The following RMDN1 variants were observed in gnomAD, a reference collection of about 807,000 sequenced individuals.
RMDN1 encodes regulator of microtubule dynamics protein 1.
In RMDN1, 48 loss-of-function variants were observed where a neutral mutation model predicts 48.9. The ratio of observed to expected loss-of-function variants is 0.98; its 90% CI spans 0.78 to 1.25. The LOEUF is 1.25. Ranked by LOEUF, RMDN1 falls within the 50% of genes most tolerant of loss-of-function variation. The pLI is 0.00. For synonymous variants in RMDN1, 148 were observed against 132.6 expected (o/e 1.12, Z -0.80); for missense variants, 418 against 373.4 (o/e 1.12, Z -0.98).
rs1818680795 is a variant in RMDN1 at position 86,503,383 on chromosome 8, A to AC, written c.247+3611_247+3612insG. On this transcript the variant is annotated intron_variant, in intron 2 of 9. Transcript: ENST00000406452. ...AAACAAAACAAAACAAAAAAAAAAAAAAAAAACAAAAAAAAATAACAAAAA... is the reference window on the plus strand; with the variant it reads ...AAACAAAACAAAACAAAAAAAAAAAACAAAAAACAAAAAAAAATAACAAAAA... Among the ~76,000 whole-genome samples, 3 of 80,210 alleles carry AC rather than the reference A, an allele frequency of 3.7e-5. No homozygotes were observed. In the South Asian group the frequency reaches 1.1e-3, roughly 29 times the overall value. 52.6% of individuals were successfully genotyped at this position (80,210 alleles called of 152,430 possible).
chr8:86,483,735 C>T (rs1305541045), intron 5 of RMDN1, among the ~76,000 whole-genome samples: 3 of 151,730 alleles, frequency 2.0e-5, no homozygotes, highest in African/African-American at 7.3e-5. Flanking sequence ...ATTTAAATAG[C>T]AAATTCAGCA....
intron 2 of RMDN1, chr8:86,504,403 A>G: frequency 6.4e-7 from 1 of 1,561,022 alleles, no homozygotes; most frequent in Non-Finnish European, 8.8e-7. Flanking sequence ...CATCATTTCC[A>G]TTGTGCTCCA....
chr8:86,507,604 T>C (rs920117166), intron 1 of RMDN1, among the ~76,000 whole-genome samples: 1 of 152,190 alleles, frequency 6.6e-6, no homozygotes, highest in Non-Finnish European at 1.5e-5. Flanking sequence ...CTTCCCAAAG[T>C]GCTGGGATTA....
In RMDN1 at chr8:86,487,355, G is replaced by A. The variant is rs1323401600; in HGVS notation, c.336-712C>T. ...ACAGTGGCTCACGCCTGTAATCCCA[G>A]GACTTTGGGAGGCCAAGGCGGGCAG... On this transcript the variant is annotated intron_variant, in intron 3 of 9. Coordinates refer to ENST00000406452, the MANE Select transcript of RMDN1 (RefSeq NM_016033.3). 2.0e-5 allele frequency among the ~76,000 whole-genome samples: 3 copies of A among 152,288 alleles called. No homozygotes were observed. The East Asian group carries it at 5.8e-4, about 29-fold the overall frequency.
chr8:86,493,116 GT>G (rs1284618624), intron 2 of RMDN1, among the ~76,000 whole-genome samples: 3 of 151,930 alleles, frequency 2.0e-5, no homozygotes, highest in African/African-American at 4.8e-5. Flanking sequence ...ATAAAAAAAA[GT>G]GTTTCTGTAT....
At position 86,477,307 on chromosome 8, in the gene RMDN1, G is replaced by A; in HGVS notation, c.747C>T (p.His249=). 1 of 1,602,232 alleles carries A rather than the reference G, an allele frequency of 6.2e-7. No individual in the cohort carries two copies. Among genetic ancestry groups the A allele is most frequent in the Admixed American group, 1.7e-5 (1 of 58,106 alleles). ...AAAATACCTTACCTTGTTCTGCCCT[G>A]TGAAAGTAGCCTAAGGCCTGTCAAA... The part of the protein sequence containing the change: ...STYEKALGYF[H]RAEQVDPNFY... The change falls in exon 8 of 10, where the codon CAC becomes CAT. Residue 249 remains histidine, a synonymous_variant. Transcript: ENST00000406452.
chr8:86,514,351 A>C (rs62510803), upstream of RMDN1: 55 of 744,388 alleles, frequency 7.4e-5, no homozygotes, highest in African/African-American at 1.0e-3. Context: ...CTCCCTGCGG[A>C]TGGGCTGATC....
At chr8:86,477,361 A>C (rs774641012) in intron 7 of RMDN1, 37 bp from the exon 8 acceptor site, 1 of 1,513,292 alleles carries the variant, frequency 6.6e-7, no homozygotes, top group Admixed American at 2.0e-5. Context: ...ATAATAAAAA[A>C]GATTAAAGAA....
chr8:86,508,216 C>T (rs906365551), intron 1 of RMDN1: 24 of 402,360 alleles, frequency 6.0e-5, no homozygotes, highest in Non-Finnish European at 1.0e-4. Flanking sequence ...CTTTCCCGTC[C>T]TGTTTTACAT....
chr8:86,510,252 A>G (rs1819975824), upstream of RMDN1, among the ~76,000 whole-genome samples: 1 of 152,214 alleles, frequency 6.6e-6, no homozygotes, highest in East Asian at 1.9e-4. Flanking sequence ...GAAACAAGAC[A>G]TTCCCTTACT....
In RMDN1 at chr8:86,473,731, A is replaced by T. The variant is rs1812896682; in HGVS notation, c.*577T>A. On this transcript the variant is annotated 3_prime_UTR_variant, in exon 10 of 10. Transcript: ENST00000406452. ...CAGTGGGCCGAGATTGTGCCACTGCACACCAGCCTGGGAAACAAAGTGAGA... is the reference window on the plus strand; with the variant it reads ...CAGTGGGCCGAGATTGTGCCACTGCTCACCAGCCTGGGAAACAAAGTGAGA... The T allele has an allele frequency of 1.3e-6, 1 of 799,828 alleles. No individual in the cohort carries two copies. The highest frequency in any genetic ancestry group is 1.5e-6 in the Non-Finnish European group (1 of 660,830). The allele number at this position is 799,828 out of a possible 1,614,324, so 49.5% of individuals were successfully genotyped here.
At position 86,508,617 on chromosome 8, in the gene RMDN1, C is replaced by G. The variant is rs141308396; in HGVS notation, c.4G>C (p.Ala2Pro). The G allele has an allele frequency of 1.1e-5, 17 of 1,600,314 alleles. No individual in the cohort carries two copies. The East Asian group carries it at 1.6e-4, about 15-fold the overall frequency. The part of the protein sequence containing the change: M[A>P]LAARLWRLLP... Reference sequence around the variant, plus strand: ...AGGCGCCACAGTCGAGCAGCCAGCGCCATGACCTGCAACTTGCGGGCTGAC... The same window carrying G: ...AGGCGCCACAGTCGAGCAGCCAGCGGCATGACCTGCAACTTGCGGGCTGAC... Residue 2 changes from alanine (A) to proline (P), a missense_variant, in exon 1 of 10, where the codon GCG becomes CCG. Ala to Pro is a conservative substitution (Grantham distance 27). Transcript: ENST00000406452.
At chr8:86,509,683 G>A (rs1362593506), upstream of RMDN1, among the ~76,000 whole-genome samples, 1 of 152,128 alleles carries the variant, frequency 6.6e-6, no homozygotes, top group Non-Finnish European at 1.5e-5. Flanking sequence ...GTAACTCAAA[G>A]AGATGTATTA....
At chr8:86,508,195 C>CGT in intron 1 of RMDN1, 1 of 348,472 alleles carries the variant, frequency 2.9e-6, no homozygotes, top group Non-Finnish European at 5.2e-6. Flanking sequence ...AATTTCACAG[C>CGT]GGTCAAGGTT....
At chr8:86,511,923 G>C (rs754764519), upstream of RMDN1, among the ~76,000 whole-genome samples, 11 of 151,900 alleles carry the variant, frequency 7.2e-5, no homozygotes, top group Non-Finnish European at 1.5e-4. Flanking sequence ...AAATACATAG[G>C]AGAAAGAATA....
Position 86,480,255 on chromosome 8 carries a change from ATATT to A in RMDN1, c.641+18_641+21del, listed in dbSNP as rs1814133274. ...AAATATCACACTAAATACTACTGAA[ATATT>A]TAAAGAAATTTTCTTACCAAATACC... On this transcript the variant is annotated intron_variant, in intron 6 of 9. Coordinates refer to ENST00000406452, the MANE Select transcript of RMDN1 (RefSeq NM_016033.3). 17 of 1,338,636 alleles carry A rather than the reference ATATT, an allele frequency of 1.3e-5. No individual in the cohort carries two copies. Among genetic ancestry groups the A allele is most frequent in the Non-Finnish European group, 1.8e-5 (17 of 960,484 alleles). The allele number at this position is 1,338,636 out of a possible 1,614,324, so 82.9% of individuals were successfully genotyped here. A position where few individuals can be genotyped will look rare whatever the true frequency, so the allele number is the denominator to read the frequency against.
chr8:86,510,309 T>C (rs1325402290), upstream of RMDN1, among the ~76,000 whole-genome samples: 2 of 152,210 alleles, frequency 1.3e-5, no homozygotes, highest in East Asian at 3.8e-4. Context: ...ATTGACAGAA[T>C]ACTATTATTT....
chr8:86,472,737 A>G lies in RMDN1; in HGVS notation c.*1571T>C. 2.4e-6 allele frequency: 1 copy of G among 420,302 alleles called. No homozygotes were observed. Among genetic ancestry groups the G allele is most frequent in the Non-Finnish European group, 4.2e-6 (1 of 238,536 alleles). The allele number at this position is 420,302 out of a possible 1,614,324, so 26.0% of individuals were successfully genotyped here. On this transcript the variant is annotated 3_prime_UTR_variant, in exon 10 of 10. Transcript: ENST00000406452. Reference sequence around the variant, plus strand: ...TAAGTACTTATGCATGAATAAGTATAAGAAAATAACTGCTTATTGGTAGCA... The same window carrying G: ...TAAGTACTTATGCATGAATAAGTATGAGAAAATAACTGCTTATTGGTAGCA...
At chr8:86,492,077 C>T (rs1371173352) in intron 2 of RMDN1, among the ~76,000 whole-genome samples, 1 of 152,052 alleles carries the variant, frequency 6.6e-6, no homozygotes, top group African/African-American at 2.4e-5. Context: ...TAACTACATA[C>T]AAAGGAACAC....
Sources: gnomAD v4.1 joint callset for allele counts (sites outside exome capture counted in the v4.1 genomes callset) on GRCh38, gnomAD v4.1.1 for gene constraint, MANE v1.5 for transcripts, NCBI Gene and HGNC (gene_info 2026-07-23, HGNC 2026-07-21) for gene names.